SYPL1: variants seen among roughly 807,000 people sequenced by gnomAD.
SYPL1 encodes synaptophysin like 1, also known as synaptophysin-like protein 1.
Under a neutral mutation model 23.7 loss-of-function variants are expected in SYPL1, and 6 were observed. That is an observed-to-expected ratio of 0.25 (90% CI 0.14 to 0.50). The LOEUF (loss-of-function observed/expected upper bound fraction) is 0.50, where lower values mean the gene tolerates loss of function less well. SYPL1 is among the 20% of genes least tolerant of loss of function. SYPL1 has a pLI of 0.98. For synonymous variants in SYPL1, 102 were observed against 104.5 expected, an observed-to-expected ratio of 0.98 and a Z score of 0.15; for missense variants, 253 against 288.9, an observed-to-expected ratio of 0.88 and a Z score of 0.90.
intron 2 of SYPL1, among the ~76,000 whole-genome samples, chr7:106,098,145 A>T (rs1475669187): frequency 6.6e-6 from 1 of 152,244 alleles, no homozygotes; most frequent in African/African-American, 2.4e-5. Context: ...ATACCCAGAT[A>T]CTATCTTCCT....
Position 106,091,632 on chromosome 7 carries a change from T to G in SYPL1, c.*173A>C. Reference sequence around the variant, plus strand: ...ATTTACATGTGAGAATACATTTACATCTTAACTTTCTAGGAAAGGCACAGG... The same window carrying G: ...ATTTACATGTGAGAATACATTTACAGCTTAACTTTCTAGGAAAGGCACAGG... On this transcript the variant is annotated 3_prime_UTR_variant, in exon 5 of 5. Transcript: ENST00000455385. This position sits in a 1 kb window ranked among gnomAD's most constrained non-coding sequence, Gnocchi z 5.0. 1.7e-6 allele frequency: 1 copy of G among 593,272 alleles called. No individual in the cohort carries two copies. Among genetic ancestry groups the G allele is most frequent in the Non-Finnish European group, 2.7e-6 (1 of 375,724 alleles). 36.8% of individuals were successfully genotyped at this position (593,272 alleles called of 1,614,324 possible).
Position 106,097,636 on chromosome 7 carries a change from A to G in SYPL1, c.402+54T>C, listed in dbSNP as rs1840084121. On this transcript the variant is annotated intron_variant, in intron 3 of 4. Transcript: ENST00000455385. This position sits in a 1 kb window ranked among gnomAD's most constrained non-coding sequence, Gnocchi z 4.6. ...TTTTATTTCCAGTATAAGAAAATCT[A>G]TATTTAGCTTATACAAATTATTTTT... 4 of 1,448,660 alleles carry G rather than the reference A, an allele frequency of 2.8e-6. No homozygotes were observed. Among genetic ancestry groups the G allele is most frequent in the East Asian group, 2.5e-5 (1 of 40,186 alleles). The allele number at this position is 1,448,660 out of a possible 1,614,324, so 89.7% of individuals were successfully genotyped here. A position where few individuals can be genotyped will look rare whatever the true frequency, so the allele number is the denominator to read the frequency against.
intron 1 of SYPL1, among the ~76,000 whole-genome samples, chr7:106,101,936 C>T (rs376202842): frequency 1.3e-5 from 2 of 152,048 alleles, no homozygotes; most frequent in East Asian, 3.9e-4. Context: ...TAAAGATATG[C>T]CCACAAACTC....
At chr7:106,106,226 T>C (rs1029235521) in intron 1 of SYPL1, among the ~76,000 whole-genome samples, 2 of 152,130 alleles carry the variant, frequency 1.3e-5, no homozygotes, top group African/African-American at 4.8e-5. Context: ...GCTCTGTCCA[T>C]AAAATTTTGC....
At chr7:106,105,341 C>A (rs1840537428) in intron 1 of SYPL1, among the ~76,000 whole-genome samples, 1 of 151,572 alleles carries the variant, frequency 6.6e-6, no homozygotes. Flanking sequence ...TACTCCTACC[C>A]CATGAAGAAT....
chr7:106,097,480 A>G lies in SYPL1; in HGVS notation c.402+210T>C, dbSNP rs563971243. On this transcript the variant is annotated intron_variant, in intron 3 of 4. Transcript: ENST00000455385. The surrounding 1 kb of genome is among the most constrained non-coding windows in gnomAD (Gnocchi z 4.6). The stretch of plus-strand genomic sequence containing the variant: ...CTGAGTTTTTTCCAAGTTAAAATAG[A>G]TTTAAAAAAGAAATAAACTTTCCTT... Among the ~76,000 whole-genome samples the G allele has an allele frequency of 6.6e-6, 1 of 152,312 alleles. No individual in the cohort carries two copies. Among genetic ancestry groups the G allele is most frequent in the African/African-American group, 2.4e-5 (1 of 41,580 alleles).
chr7:106,100,150 C>G lies in SYPL1; in HGVS notation c.70-868G>C, dbSNP rs1412424477. Among the ~76,000 whole-genome samples the G allele has an allele frequency of 6.6e-6, 1 of 152,088 alleles. No homozygotes were observed. The highest frequency in any genetic ancestry group is 1.5e-5 in the Non-Finnish European group (1 of 67,992). On this transcript the variant is annotated intron_variant, in intron 1 of 4. Transcript: ENST00000455385. This position sits in a 1 kb window ranked among gnomAD's most constrained non-coding sequence, Gnocchi z 5.1. ...CAGAGAAGAGACACTATTTCATGAG[C>G]CTGTTAAACCTCCCTTGTGGGTATT...
At chr7:106,112,114 G>T in intron 1 of SYPL1, 26 bp downstream of exon 1, 1 of 1,433,424 alleles carries the variant, frequency 7.0e-7, no homozygotes, top group South Asian at 1.4e-5. Flanking sequence ...CGGCAGGCGG[G>T]CCTGGCCGGC....
In SYPL1 at chr7:106,099,194, T is replaced by C. The variant is rs775964331; in HGVS notation, c.158A>G (p.Asn53Ser). Reference sequence around the variant, plus strand: ...ACCAAAAGTAGCTGTAACAGTTTTATTCTCAGTAACTGCAGGAGGACAATT... The same window carrying C: ...ACCAAAAGTAGCTGTAACAGTTTTACTCTCAGTAACTGCAGGAGGACAATT... ...QVNCPPAVTE[N>S]KTVTATFGYP... The change falls in exon 2 of 5, where the codon AAT (asparagine) becomes AGT (serine). Residue 53 changes from asparagine (N) to serine (S), a missense_variant. Physicochemically the swap from Asn to Ser is conservative, Grantham distance 46. Transcript: ENST00000455385. 2 of 1,613,940 alleles carry C rather than the reference T, an allele frequency of 1.2e-6. No individual in the cohort carries two copies. Among genetic ancestry groups the C allele is most frequent in the South Asian group, 2.2e-5 (2 of 90,998 alleles).
intron 4 of SYPL1, among the ~76,000 whole-genome samples, chr7:106,092,252 G>A (rs1403741917): frequency 6.6e-6 from 1 of 152,082 alleles, no homozygotes; most frequent in South Asian, 2.1e-4. Context: ...AACTGCTTGT[G>A]TAACTTTTCC....
At chr7:106,101,425 T>G in intron 1 of SYPL1, among the ~76,000 whole-genome samples, 1 of 112,746 alleles carries the variant, frequency 8.9e-6, no homozygotes, top group Non-Finnish European at 1.8e-5. Flanking sequence ...CAAGGGTTTG[T>G]TTTTTCCCAT....
At position 106,097,854 on chromosome 7, in the gene SYPL1, A is replaced by C. The variant is rs771922224; in HGVS notation, c.238T>G (p.Cys80Gly). The C allele has an allele frequency of 1.2e-6, 2 of 1,613,752 alleles. No individual in the cohort carries two copies. Among genetic ancestry groups the C allele is most frequent in the Non-Finnish European group, 1.7e-6 (2 of 1,179,850 alleles). The change falls in exon 3 of 5, where the codon TGT becomes GGT. Residue 80 changes from cysteine (C) to glycine (G), a missense_variant. Transcript: ENST00000455385. This position sits in a 1 kb window ranked among gnomAD's most constrained non-coding sequence, Gnocchi z 4.6. ...SFQPPPGVNI[C>G]DVNWKDYVLI... ...ACGTAATCTTTCCAATTTACATCAC[A>C]TATGTTTACACCTGGAGGTGGCTGA... is the stretch of plus-strand genomic sequence containing the variant.
Position 106,109,641 on chromosome 7 carries a change from A to G in SYPL1, c.69+2499T>C, listed in dbSNP as rs1284344799. ...AAGATCTAAAGAGACCACAAACTCA[A>G]TACATCTGAAACCTTTGACTTCCCA... On this transcript the variant is annotated intron_variant, in intron 1 of 4. Transcript: ENST00000455385. The surrounding 1 kb of genome is among the most constrained non-coding windows in gnomAD (Gnocchi z 4.3). Among the ~76,000 whole-genome samples the G allele has an allele frequency of 6.6e-6, 1 of 152,184 alleles. No individual in the cohort carries two copies. The highest frequency in any genetic ancestry group is 1.5e-5 in the Non-Finnish European group (1 of 68,036).
rs376269028 is a variant in SYPL1, at chr7:106,099,183, T to C, written c.169A>G (p.Thr57Ala). ...CTGAATGGATAACCAAAAGTAGCTG[T>C]AACAGTTTTATTCTCAGTAACTGCA... ...PPAVTENKTV[T>A]ATFGYPFRLN... is the part of the protein sequence containing the mutation. The change falls in exon 2 of 5, where the codon ACA (threonine) becomes GCA (alanine). Residue 57 changes from threonine to alanine, a missense_variant. By Grantham distance (58) the Thr-to-Ala change is moderately conservative. Coordinates refer to ENST00000455385, the MANE Select transcript of SYPL1 (RefSeq NM_182715.4). 6.2e-7 allele frequency: 1 copy of C among 1,613,414 alleles called. No individual in the cohort carries two copies. The highest frequency in any genetic ancestry group is 8.5e-7 in the Non-Finnish European group (1 of 1,179,816).
At chr7:106,103,606 G>A (rs1323737583) in intron 1 of SYPL1, among the ~76,000 whole-genome samples, 1 of 152,122 alleles carries the variant, frequency 6.6e-6, no homozygotes, top group Admixed American at 6.5e-5. Context: ...GATTTACTAT[G>A]AAAAAGATGT....
chr7:106,102,292 C>T (rs1350081603), intron 1 of SYPL1, among the ~76,000 whole-genome samples: 1 of 152,142 alleles, frequency 6.6e-6, no homozygotes, highest in Non-Finnish European at 1.5e-5. Flanking sequence ...GACGGGGTTT[C>T]ACCATGTTGG....
rs1204588785 is a variant in SYPL1 at position 106,100,472 on chromosome 7, A to C, written c.70-1190T>G. 2.0e-5 allele frequency among the ~76,000 whole-genome samples: 3 copies of C among 152,224 alleles called. No homozygotes were observed. Among genetic ancestry groups the C allele is most frequent in the Admixed American group, 2.0e-4 (3 of 15,286 alleles). Reference sequence around the variant, plus strand: ...AAAGGTTATGCATCAAAATTTTAACACTGGTCACCTCTCAAAGGAAGATAA... The same window carrying C: ...AAAGGTTATGCATCAAAATTTTAACCCTGGTCACCTCTCAAAGGAAGATAA... On this transcript the variant is annotated intron_variant, in intron 1 of 4. Coordinates refer to ENST00000455385, the MANE Select transcript of SYPL1 (RefSeq NM_182715.4). The surrounding 1 kb of genome is among the most constrained non-coding windows in gnomAD (Gnocchi z 5.1).
chr7:106,103,878 C>T (rs1378034595), intron 1 of SYPL1, among the ~76,000 whole-genome samples: 1 of 152,110 alleles, frequency 6.6e-6, no homozygotes, highest in Non-Finnish European at 1.5e-5. Flanking sequence ...AAAGGAATTT[C>T]CTCAATTGTT....
chr7:106,103,782 A>G (rs1840445487), intron 1 of SYPL1, among the ~76,000 whole-genome samples: 1 of 152,128 alleles, frequency 6.6e-6, no homozygotes. Context: ...TTTGCTTCCC[A>G]TTGTATTTTT....
Sources: allele counts gnomAD v4.1 joint callset (sites outside exome capture counted in the v4.1 genomes callset), GRCh38; gene constraint gnomAD v4.1.1; non-coding constraint Gnocchi (gnomAD v3.1); transcripts MANE v1.5; gene names NCBI Gene and HGNC (gene_info 2026-07-23, HGNC 2026-07-21).